Variants in TMEM71 observed in about 807,000 individuals in gnomAD.
TMEM71 encodes the protein transmembrane protein 71.
TMEM71 carries 44 observed loss-of-function variants against 38.0 expected under a neutral mutation model. The ratio of observed to expected loss-of-function variants is 1.16; its 90% CI spans 0.91 to 1.49. The LOEUF (loss-of-function observed/expected upper bound fraction) is 1.49. Among genes scored for constraint, TMEM71 ranks in the 40% most tolerant of loss-of-function variants. TMEM71 has a pLI of 0.00. For missense variants in TMEM71, 367 were observed against 348.6 expected, an observed-to-expected ratio of 1.05 and a Z score of -0.42; for synonymous variants, 133 against 122.5, an observed-to-expected ratio of 1.09 and a Z score of -0.56.
At chr8:132,748,099 C>T (rs1256533285) in intron 4 of TMEM71, among the ~76,000 whole-genome samples, 2 of 152,182 alleles carry the variant, frequency 1.3e-5, no homozygotes, top group African/African-American at 2.4e-5. Flanking sequence ...AGGGCCTGAA[C>T]CAAAGGTAAT....
intron 6 of TMEM71, among the ~76,000 whole-genome samples, chr8:132,724,607 CAT>C (rs1173935392): frequency 5.3e-5 from 8 of 152,280 alleles, no homozygotes; most frequent in East Asian, 1.9e-4. Flanking sequence ...TTCAAACACA[CAT>C]GTTTTACAAT....
chr8:132,722,240 C>CAGTTCA (rs1826897231), intron 6 of TMEM71, 125 bp from the exon 7 acceptor site: 1 of 685,084 alleles, frequency 1.5e-6, no homozygotes, highest in East Asian at 2.7e-5. Context: ...GAATGTATGT[C>CAGTTCA]AGTTCAAGCA....
Position 132,713,944 on chromosome 8 carries a change from A to G in TMEM71, c.872+51T>C, listed in dbSNP as rs752540333. On this transcript the variant is annotated intron_variant, in intron 9 of 9. Coordinates refer to ENST00000677595, the MANE Select transcript of TMEM71 (RefSeq NM_001382403.1). ...CAGCAGAAACCATTCTCAGATATCA[A>G]ATTATGATCACCTTGGTCCAGACAA... 4 of 1,577,140 alleles carry G rather than the reference A, an allele frequency of 2.5e-6. No homozygotes were observed. The East Asian group carries it at 6.8e-5, about 27-fold the overall frequency.
chr8:132,752,133 T>A, intron 3 of TMEM71, 136 bp from the exon 4 acceptor site: 1 of 721,236 alleles, frequency 1.4e-6, no homozygotes, highest in Non-Finnish European at 2.4e-6. Flanking sequence ...CCATTAGGAA[T>A]GTCACTCTTA....
chr8:132,740,627 T>G (rs1395697961), intron 5 of TMEM71, among the ~76,000 whole-genome samples: 1 of 152,130 alleles, frequency 6.6e-6, no homozygotes, highest in Non-Finnish European at 1.5e-5. Flanking sequence ...AAGCCACAGA[T>G]GTGTGGAAGA....
At chr8:132,723,188 A>G (rs1034999754) in intron 6 of TMEM71, among the ~76,000 whole-genome samples, 1 of 152,240 alleles carries the variant, frequency 6.6e-6, no homozygotes, top group Admixed American at 6.5e-5. Context: ...GCAAATGTAC[A>G]GTTGTTCATG....
the TMEM71 span, among the ~76,000 whole-genome samples, chr8:132,767,000 A>G: frequency 1.3e-5 from 2 of 152,202 alleles, no homozygotes; most frequent in Admixed American, 6.5e-5. Flanking sequence ...AACTTCCATC[A>G]AAACTTCTCC....
chr8:132,759,117 C>T (rs1328387864), intron 1 of TMEM71, among the ~76,000 whole-genome samples: 1 of 152,106 alleles, frequency 6.6e-6, no homozygotes, highest in East Asian at 1.9e-4. Flanking sequence ...TTTTCCATTG[C>T]CTCACTCAGT....
At chr8:132,768,636 G>C in the TMEM71 span, among the ~76,000 whole-genome samples, 1 of 152,174 alleles carries the variant, frequency 6.6e-6, no homozygotes, top group South Asian at 2.1e-4. Flanking sequence ...GGTGAAACTG[G>C]CTCTGTTGAA....
At chr8:132,775,658 G>A in the TMEM71 span, 1 of 337,346 alleles carries the variant, frequency 3.0e-6, no homozygotes, top group Non-Finnish European at 5.3e-6. Context: ...AAGAGGCGGC[G>A]GCGGCTGAGC....
At chr8:132,707,360 G>A (rs779917696), downstream of TMEM71, among the ~76,000 whole-genome samples, 8 of 152,156 alleles carry the variant, frequency 5.3e-5, no homozygotes, top group East Asian at 1.9e-4. Context: ...TTTATTCTTC[G>A]GTTCTTAAAA....
intron 9 of TMEM71, among the ~76,000 whole-genome samples, chr8:132,712,520 C>T (rs1826288687): frequency 6.6e-6 from 1 of 152,154 alleles, no homozygotes; most frequent in Non-Finnish European, 1.5e-5. Flanking sequence ...TGTGCTCCCC[C>T]TGGCTCCTGT....
intron 5 of TMEM71, among the ~76,000 whole-genome samples, chr8:132,730,689 T>C (rs1827404955): frequency 6.6e-6 from 1 of 152,212 alleles, no homozygotes; most frequent in Non-Finnish European, 1.5e-5. Context: ...TATGTCCTTA[T>C]TTTTGCTTCT....
chr8:132,759,059 C>A (rs1829187610), intron 1 of TMEM71, 144 bp from the exon 2 acceptor site: 1 of 597,454 alleles, frequency 1.7e-6, no homozygotes, highest in Non-Finnish European at 3.0e-6. Context: ...GGAGACCAGA[C>A]TGAAGACACA....
At chr8:132,751,700 A>G in intron 4 of TMEM71, 85 bp downstream of exon 4, 1 of 1,333,988 alleles carries the variant, frequency 7.5e-7, no homozygotes, top group Non-Finnish European at 1.1e-6. Context: ...TCCTTATAAA[A>G]GATAGTTGAG....
intron 5 of TMEM71, among the ~76,000 whole-genome samples, chr8:132,738,107 AT>A (rs1489320350): frequency 1.3e-5 from 2 of 151,948 alleles, no homozygotes; most frequent in East Asian, 3.9e-4. Context: ...GAAGTGTGAC[AT>A]TTTTCATGAA....
In TMEM71 at chr8:132,738,266, T is replaced by C. The variant is rs946168137; in HGVS notation, c.487+8676A>G. 2.0e-5 allele frequency among the ~76,000 whole-genome samples: 3 copies of C among 152,172 alleles called. No homozygotes were observed. The South Asian group carries it at 6.2e-4, about 32-fold the overall frequency. ...AGGATTTGAATTCAGGTTCATCTAG[T>C]TCAAAAGCTCATTTTCCTTATCACT... On this transcript the variant is annotated intron_variant, in intron 5 of 9. Transcript: ENST00000677595.
chr8:132,729,658 G>A (rs1563747562), intron 5 of TMEM71, among the ~76,000 whole-genome samples: 1 of 152,184 alleles, frequency 6.6e-6, no homozygotes, highest in Non-Finnish European at 1.5e-5. Context: ...AGCATACGCT[G>A]TGGACAAAGC....
chr8:132,727,458 A>G (rs944084844), intron 6 of TMEM71, among the ~76,000 whole-genome samples: 27 of 151,978 alleles, frequency 1.8e-4, no homozygotes, highest in African/African-American at 4.8e-4. Flanking sequence ...GTGTTTCACC[A>G]TGTTAGCCAG....
Sources: gnomAD v4.1 joint callset for allele counts (sites outside exome capture counted in the v4.1 genomes callset) on GRCh38, gnomAD v4.1.1 for gene constraint, MANE v1.5 for transcripts, NCBI Gene and HGNC (gene_info 2026-07-23, HGNC 2026-07-21) for gene names.